ARID1B: variants seen among roughly 807,000 people sequenced by gnomAD.
The protein encoded by ARID1B is AT-rich interactive domain-containing protein 1B.
ARID1B carries 30 observed loss-of-function variants against 212.3 expected under a neutral mutation model. The ratio of observed to expected loss-of-function variants is 0.14; its 90% CI spans 0.11 to 0.19. The LOEUF is 0.19. Among genes scored for constraint, ARID1B ranks in the 10% least tolerant of loss-of-function variants. The probability of loss-of-function intolerance (pLI) is 1.00; values close to 1 mark genes in which losing one functional copy is unlikely to be tolerated. For synonymous variants in ARID1B, 1,402 were observed against 1,301.7 expected, an observed-to-expected ratio of 1.08 and a Z score of -1.66; for missense variants, 2,891 against 3,204.0, an observed-to-expected ratio of 0.90 and a Z score of 2.36.
chr6:157,053,947 G>A (rs146347807), intron 4 of ARID1B, among the ~76,000 whole-genome samples: 11 of 152,100 alleles, frequency 7.2e-5, no homozygotes, highest in East Asian at 1.9e-4. Context: ...ACATTAGGCC[G>A]GGCACAGGGG....
intron 3 of ARID1B, among the ~76,000 whole-genome samples, chr6:156,909,306 A>G (rs1789677719): frequency 6.6e-6 from 1 of 151,556 alleles, no homozygotes; most frequent in Non-Finnish European, 1.5e-5. Flanking sequence ...TTGTATTTTT[A>G]GTAGAAACGG....
intron 6 of ARID1B, among the ~76,000 whole-genome samples, chr6:157,118,149 T>C (rs1055025508): frequency 2.1e-4 from 32 of 152,238 alleles, no homozygotes; most frequent in African/African-American, 7.2e-4. Context: ...ACCTAATTCC[T>C]TAATATTCAA....
intron 1 of ARID1B, among the ~76,000 whole-genome samples, chr6:156,796,400 A>C (rs973505615): frequency 2.0e-5 from 2 of 97,698 alleles, no homozygotes; most frequent in Admixed American, 2.0e-4. Context: ...CTGGACCTTT[A>C]CTTTTTTTTT....
chr6:157,142,663 AC>A (rs903582788), intron 7 of ARID1B, among the ~76,000 whole-genome samples: 2 of 152,172 alleles, frequency 1.3e-5, no homozygotes, highest in African/African-American at 4.8e-5. Context: ...AACAAAAAAA[AC>A]AATATTTTGT....
At chr6:156,965,572 T>C (rs182505219) in intron 4 of ARID1B, among the ~76,000 whole-genome samples, 4 of 152,330 alleles carry the variant, frequency 2.6e-5, no homozygotes, top group East Asian at 3.9e-4. Flanking sequence ...TAAACACATA[T>C]TAAGTTTCAA....
At position 157,210,600 on chromosome 6, in the gene ARID1B, C is replaced by T; in HGVS notation, c.*2709C>T. The stretch of plus-strand genomic sequence containing the variant: ...GAATTTACAGCCTGCTTGAGATCAT[C>T]TTGCCTATAAACTGAGTTATTGCTT... On this transcript the variant is annotated 3_prime_UTR_variant, in exon 20 of 20. Transcript: ENST00000636930. The T allele has an allele frequency of 4.3e-6, 1 of 230,982 alleles. No individual in the cohort carries two copies. The highest frequency in any genetic ancestry group is 8.5e-6 in the Non-Finnish European group (1 of 117,450). 14.3% of individuals were successfully genotyped at this position (230,982 alleles called of 1,614,324 possible). A position where few individuals can be genotyped will look rare whatever the true frequency, so the allele number is the denominator to read the frequency against.
At chr6:156,812,985 T>TACATATGTATAC (rs773374218) in intron 1 of ARID1B, among the ~76,000 whole-genome samples, 1 of 106,390 alleles carries the variant, frequency 9.4e-6, no homozygotes, top group Admixed American at 1.2e-4. Flanking sequence ...TGTATGTATA[T>TACATATGTATAC]ACATACGTAT....
chr6:156,875,400 T>C (rs1376104450), intron 2 of ARID1B, among the ~76,000 whole-genome samples: 4 of 152,280 alleles, frequency 2.6e-5, no homozygotes, highest in Admixed American at 2.0e-4. Context: ...TCCTTAAAAA[T>C]GTATGGAACA....
rs557997548 is a variant in ARID1B, at chr6:156,795,107, G to GGCTGTGAACTAGTCAGCA, written c.1791+15638_1791+15639insTGTGAACTAGTCAGCAGC. Among the ~76,000 whole-genome samples the GGCTGTGAACTAGTCAGCA allele has an allele frequency of 6.5e-3, 529 of 81,232 alleles. 6 individuals are homozygous for GGCTGTGAACTAGTCAGCA. The highest frequency in any genetic ancestry group is 0.027 in the African/African-American group (512 of 18,646). The allele number at this position is 81,232 out of a possible 152,430, so 53.3% of individuals were successfully genotyped here. The stretch of plus-strand genomic sequence containing the variant: ...GGGTCATTGCATAGTTACCCAGGGT[G>GGCTGTGAACTAGTCAGCA]GCCGTGAACTAGTCAGCAGCCATTT... On this transcript the variant is annotated intron_variant, in intron 1 of 19. Coordinates refer to ENST00000636930, the MANE Select transcript of ARID1B (RefSeq NM_001374828.1).
In ARID1B at chr6:157,133,015, A is replaced by G. The variant is rs769536464; in HGVS notation, c.2582-13A>G. The G allele has an allele frequency of 6.3e-7, 1 of 1,592,490 alleles. No individual in the cohort carries two copies. Among genetic ancestry groups the G allele is most frequent in the Non-Finnish European group, 8.5e-7 (1 of 1,171,324 alleles). On this transcript the variant is annotated splice_polypyrimidine_tract_variant and intron_variant, in intron 6 of 19. Transcript: ENST00000636930. ...CACCTGCATTTATATGTTTCCATTT[A>G]TTTCCCACTTAGGTTTTATGGCAGG...
intron 4 of ARID1B, among the ~76,000 whole-genome samples, chr6:157,020,707 CTAA>C (rs1780181282): frequency 6.6e-6 from 1 of 152,194 alleles, no homozygotes. Context: ...TTATGCTTCT[CTAA>C]TATTTTTTCC....
At chr6:156,924,410 A>G (rs1238646975) in intron 3 of ARID1B, among the ~76,000 whole-genome samples, 1 of 152,186 alleles carries the variant, frequency 6.6e-6, no homozygotes, top group African/African-American at 2.4e-5. Context: ...TGGCTGACTG[A>G]TTGCCAGCAT....
At chr6:157,029,405 A>G (rs1223967303) in intron 4 of ARID1B, among the ~76,000 whole-genome samples, 1 of 152,210 alleles carries the variant, frequency 6.6e-6, no homozygotes, top group African/African-American at 2.4e-5. Context: ...TAGCGCATTC[A>G]TTCATATACA....
In ARID1B at chr6:157,209,584, T is replaced by C. The variant is rs1794673549; in HGVS notation, c.*1693T>C. 4.3e-6 allele frequency: 1 copy of C among 233,262 alleles called. No homozygotes were observed. Among genetic ancestry groups the C allele is most frequent in the Non-Finnish European group, 8.5e-6 (1 of 118,036 alleles). The allele number at this position is 233,262 out of a possible 1,614,324, so 14.4% of individuals were successfully genotyped here. On this transcript the variant is annotated 3_prime_UTR_variant, in exon 20 of 20. Coordinates refer to ENST00000636930, the MANE Select transcript of ARID1B (RefSeq NM_001374828.1). ...CTTAACTGGCCTGAAAATGTAACATTCTGCCTTTTACTAACTCCATCTTAG... is the reference window on the plus strand; with the variant it reads ...CTTAACTGGCCTGAAAATGTAACATCCTGCCTTTTACTAACTCCATCTTAG...
At chr6:156,916,215 C>T (rs963999510) in intron 3 of ARID1B, among the ~76,000 whole-genome samples, 24 of 152,152 alleles carry the variant, frequency 1.6e-4, no homozygotes, top group African/African-American at 5.8e-4. Flanking sequence ...TTACTGCTGA[C>T]ACTGCGGCTC....
At chr6:156,927,352 T>C (rs1046067494) in intron 3 of ARID1B, among the ~76,000 whole-genome samples, 1 of 152,216 alleles carries the variant, frequency 6.6e-6, no homozygotes, top group African/African-American at 2.4e-5. Flanking sequence ...GCCTGGGATT[T>C]CCTGATTGAT....
chr6:156,778,867 G>C lies in ARID1B; in HGVS notation c.1187G>C (p.Gly396Ala). 1 of 1,407,682 alleles carries C rather than the reference G, an allele frequency of 7.1e-7. No individual in the cohort carries two copies. Among genetic ancestry groups the C allele is most frequent in the Non-Finnish European group, 9.3e-7 (1 of 1,077,112 alleles). The allele number at this position is 1,407,682 out of a possible 1,614,324, so 87.2% of individuals were successfully genotyped here. A position where few individuals can be genotyped will look rare whatever the true frequency, so the allele number is the denominator to read the frequency against. Residue 396 changes from glycine to alanine, a missense_variant, in exon 1 of 20, where the codon GGC (glycine) becomes GCC (alanine). Coordinates refer to ENST00000636930, the MANE Select transcript of ARID1B (RefSeq NM_001374828.1). Reference protein sequence around the residue: ...RPGAGGGGGGGGGGGGGSGGG... With the variant: ...RPGAGGGGGGAGGGGGGSGGG... Reference sequence around the variant, plus strand: ...GGCGCGGGCGGCGGCGGCGGCGGCGGCGGCGGAGGAGGAGGAGGCAGCGGA... The same window carrying C: ...GGCGCGGGCGGCGGCGGCGGCGGCGCCGGCGGAGGAGGAGGAGGCAGCGGA...
In ARID1B at chr6:157,203,420, T is replaced by C. The variant is rs1000063457; in HGVS notation, c.5264-446T>C. ...GGCTGTCTTGGAGTTAAATTTTGCT[T>C]CCATGTTCTGCATACTTGGCGGCCT... is the stretch of plus-strand genomic sequence containing the variant. On this transcript the variant is annotated intron_variant, in intron 18 of 19. Coordinates refer to ENST00000636930, the MANE Select transcript of ARID1B (RefSeq NM_001374828.1). The surrounding 1 kb of genome is among the most constrained non-coding windows in gnomAD (Gnocchi z 4.4). Among the ~76,000 whole-genome samples, 2 of 152,190 alleles carry C rather than the reference T, an allele frequency of 1.3e-5. No homozygotes were observed. The highest frequency in any genetic ancestry group is 4.8e-5 in the African/African-American group (2 of 41,434).
At chr6:157,140,572 CCA>C (rs1789275159) in intron 7 of ARID1B, 1 of 398,490 alleles carries the variant, frequency 2.5e-6, no homozygotes, top group South Asian at 1.3e-4. Context: ...CCTGCAGCAA[CCA>C]CATGAGACAG....
Sources: allele counts gnomAD v4.1 joint callset (sites outside exome capture counted in the v4.1 genomes callset), GRCh38; gene constraint gnomAD v4.1.1; non-coding constraint Gnocchi (gnomAD v3.1); transcripts MANE v1.5; gene names NCBI Gene and HGNC (gene_info 2026-07-23, HGNC 2026-07-21).